SEMA5A: variants seen among roughly 807,000 people sequenced by gnomAD.
The protein encoded by SEMA5A is semaphorin 5A.
A neutral mutation model predicts 135.5 loss-of-function variants in SEMA5A; 55 were observed. That is an observed-to-expected ratio of 0.41 (90% CI 0.33 to 0.51). The LOEUF (loss-of-function observed/expected upper bound fraction) is 0.51. Among genes scored for constraint, SEMA5A ranks in the 20% least tolerant of loss-of-function variants. The pLI is 0.37. For missense variants in SEMA5A, 1,290 were observed against 1,419.9 expected (o/e 0.91, Z 1.47); for synonymous variants, 580 against 546.5 (o/e 1.06, Z -0.85).
intron 3 of SEMA5A, among the ~76,000 whole-genome samples, chr5:9,370,492 C>T (rs569069010): frequency 7.2e-5 from 11 of 152,098 alleles, no homozygotes; most frequent in Non-Finnish European, 1.3e-4. Flanking sequence ...ACTCATGGAA[C>T]ATGTGTGATT....
intron 16 of SEMA5A, among the ~76,000 whole-genome samples, chr5:9,081,161 C>T (rs1441948793): frequency 1.3e-5 from 2 of 152,120 alleles, no homozygotes; most frequent in Non-Finnish European, 2.9e-5. Context: ...AGTCCTAAAA[C>T]TACAGGCAAC....
At chr5:9,388,727 A>G (rs1756010994) in intron 2 of SEMA5A, among the ~76,000 whole-genome samples, 1 of 151,956 alleles carries the variant, frequency 6.6e-6, no homozygotes, top group Non-Finnish European at 1.5e-5. Context: ...GTGAAACCCC[A>G]TCTCTACTAA....
chr5:9,187,189 T>C (rs182349209), intron 11 of SEMA5A, among the ~76,000 whole-genome samples: 1 of 151,994 alleles, frequency 6.6e-6, no homozygotes, highest in African/African-American at 2.4e-5. Flanking sequence ...TTCAATTCCT[T>C]GGACATAAAG....
chr5:9,247,076 A>G (rs1748519892), intron 5 of SEMA5A, among the ~76,000 whole-genome samples: 1 of 152,146 alleles, frequency 6.6e-6, no homozygotes, highest in South Asian at 2.1e-4. Flanking sequence ...CATGAAACAG[A>G]TGTAGAAAAC....
Position 9,278,510 on chromosome 5 carries a change from T to C in SEMA5A, c.270+39862A>G, listed in dbSNP as rs941492232. Among the ~76,000 whole-genome samples, 18 of 152,180 alleles carry C rather than the reference T, an allele frequency of 1.2e-4. 1 individual carries two copies. Among genetic ancestry groups the C allele is most frequent in the African/African-American group, 3.6e-4 (15 of 41,442 alleles). On this transcript the variant is annotated intron_variant, in intron 5 of 22. Coordinates refer to ENST00000382496, the MANE Select transcript of SEMA5A (RefSeq NM_003966.3). ...AGCCTGCTGCAGAAATGTGCATAAG[T>C]AAAGAACAGCTAAATGTTAATCACC...
intron 1 of SEMA5A, among the ~76,000 whole-genome samples, chr5:9,503,539 C>T (rs1051992830): frequency 2.6e-5 from 4 of 152,336 alleles, no homozygotes; most frequent in Admixed American, 1.3e-4. Flanking sequence ...TTCATCCACA[C>T]GCTGGAGCCA....
At chr5:9,502,665 A>G (rs938031826) in intron 1 of SEMA5A, among the ~76,000 whole-genome samples, 1 of 152,186 alleles carries the variant, frequency 6.6e-6, no homozygotes, top group African/African-American at 2.4e-5. Flanking sequence ...GCTCGCAGAG[A>G]AACCAGAGAG....
At chr5:9,102,316 T>C (rs545202958) in intron 16 of SEMA5A, among the ~76,000 whole-genome samples, 1 of 152,174 alleles carries the variant, frequency 6.6e-6, no homozygotes. Context: ...AATATTTTAG[T>C]ACTAAAAATT....
chr5:9,086,330 C>T (rs1388366122), intron 16 of SEMA5A, among the ~76,000 whole-genome samples: 4 of 152,010 alleles, frequency 2.6e-5, no homozygotes, highest in Non-Finnish European at 5.9e-5. Flanking sequence ...TCTTGTAGCT[C>T]CCATTATTCC....
chr5:9,045,199 C>T (rs1024988651), intron 21 of SEMA5A, among the ~76,000 whole-genome samples: 3 of 152,180 alleles, frequency 2.0e-5, no homozygotes, highest in African/African-American at 7.2e-5. Context: ...GTTTGCACAA[C>T]AGTGTTCTGC....
At chr5:9,361,846 CCCT>C (rs1378955418) in intron 3 of SEMA5A, among the ~76,000 whole-genome samples, 4 of 152,080 alleles carry the variant, frequency 2.6e-5, no homozygotes, top group Admixed American at 2.6e-4. Flanking sequence ...TTAGTGGGTA[CCCT>C]TTGACTTGAG....
rs1317565441 is a variant in SEMA5A, at chr5:9,162,410, A to G, written c.1274-7715T>C. 1.9e-3 allele frequency among the ~76,000 whole-genome samples: 233 copies of G among 125,866 alleles called. 1 individual carries two copies. The highest frequency in any genetic ancestry group is 4.7e-3 in the African/African-American group (142 of 30,268). The allele number at this position is 125,866 out of a possible 152,430, so 82.6% of individuals were successfully genotyped here. A position where few individuals can be genotyped will look rare whatever the true frequency, so the allele number is the denominator to read the frequency against. On this transcript the variant is annotated intron_variant, in intron 11 of 22. Transcript: ENST00000382496. The stretch of plus-strand genomic sequence containing the variant: ...TGTGTGTGTGTGTGTGTGTGTATAT[A>G]TATGTGTGTGTATATATATGTATAT...
At chr5:9,077,174 A>G (rs1579349370) in intron 16 of SEMA5A, among the ~76,000 whole-genome samples, 1 of 152,288 alleles carries the variant, frequency 6.6e-6, no homozygotes, top group African/African-American at 2.4e-5. Flanking sequence ...CAAAGGCCAT[A>G]TAAGAGGATA....
chr5:9,212,491 G>A (rs1309715187), intron 8 of SEMA5A, among the ~76,000 whole-genome samples: 1 of 152,194 alleles, frequency 6.6e-6, no homozygotes, highest in Non-Finnish European at 1.5e-5. Context: ...CATCCAGAAT[G>A]TCATCCAATT....
At chr5:9,299,905 A>T (rs1475568631) in intron 5 of SEMA5A, among the ~76,000 whole-genome samples, 2 of 152,210 alleles carry the variant, frequency 1.3e-5, no homozygotes, top group Non-Finnish European at 2.9e-5. Flanking sequence ...AAGGCCCCTC[A>T]GTGGCCCTGC....
chr5:9,540,946 G>A (rs1738049711), intron 1 of SEMA5A, among the ~76,000 whole-genome samples: 2 of 152,186 alleles, frequency 1.3e-5, no homozygotes, highest in South Asian at 2.1e-4. Flanking sequence ...CTGTGATTCA[G>A]GAGAATAGAA....
chr5:9,217,376 G>A (rs1746688363), intron 8 of SEMA5A, among the ~76,000 whole-genome samples: 1 of 152,160 alleles, frequency 6.6e-6, no homozygotes. Flanking sequence ...GCCTGATGGT[G>A]TTCCATTTGT....
At chr5:9,460,633 C>T (rs926946861) in intron 1 of SEMA5A, among the ~76,000 whole-genome samples, 4 of 152,024 alleles carry the variant, frequency 2.6e-5, no homozygotes, top group African/African-American at 9.7e-5. Flanking sequence ...TTTGGGAAAA[C>T]AGAGAAAAAT....
intron 20 of SEMA5A, among the ~76,000 whole-genome samples, chr5:9,050,728 T>A (rs1409706658): frequency 2.0e-5 from 3 of 152,232 alleles, no homozygotes; most frequent in South Asian, 2.1e-4. Flanking sequence ...AAGCAGGGAA[T>A]GTGCTCATTT....
Sources: gnomAD v4.1 joint callset for allele counts (sites outside exome capture counted in the v4.1 genomes callset) on GRCh38, gnomAD v4.1.1 for gene constraint, MANE v1.5 for transcripts, NCBI Gene and HGNC (gene_info 2026-07-23, HGNC 2026-07-21) for gene names.